MYCBP2: variants seen among roughly 807,000 people sequenced by gnomAD.
MYCBP2 encodes the protein E3 ubiquitin-protein ligase MYCBP2.
Under a neutral mutation model 525.3 loss-of-function variants are expected in MYCBP2, and 120 were observed. The ratio of observed to expected loss-of-function variants is 0.23; its 90% CI spans 0.20 to 0.27. The LOEUF (loss-of-function observed/expected upper bound fraction) is 0.27. MYCBP2 is among the 10% of genes least tolerant of loss of function. The probability of loss-of-function intolerance (pLI) is 1.00; values close to 1 mark genes in which losing one functional copy is unlikely to be tolerated. For synonymous variants in MYCBP2, 1,894 were observed against 1,955.8 expected, an observed-to-expected ratio of 0.97 and a Z score of 0.83; for missense variants, 4,149 against 5,657.1, an observed-to-expected ratio of 0.73 and a Z score of 8.55.
rs748291796 is a variant in MYCBP2 at position 77,263,639 on chromosome 13, T to C, written c.1570+12A>G. The C allele has an allele frequency of 7.5e-6, 12 of 1,602,312 alleles. 1 individual carries two copies. The South Asian group carries it at 1.2e-4, about 17-fold the overall frequency. On this transcript the variant is annotated intron_variant, in intron 10 of 82. Coordinates refer to ENST00000544440, the MANE Select transcript of MYCBP2 (RefSeq NM_015057.5). ...TTAAAATATAGGGAAAACACTTAAT[T>C]TGCTATCTTACTTATAATATGCAAG...
intron 17 of MYCBP2, among the ~76,000 whole-genome samples, chr13:77,235,732 C>T (rs895711818): frequency 6.6e-6 from 1 of 151,956 alleles, no homozygotes; most frequent in Non-Finnish European, 1.5e-5. Context: ...TTACACACAA[C>T]TAAACAAGAA....
At chr13:77,156,510 A>C (rs2057232319) in intron 45 of MYCBP2, among the ~76,000 whole-genome samples, 1 of 152,232 alleles carries the variant, frequency 6.6e-6, no homozygotes, top group African/African-American at 2.4e-5. Context: ...ACACGAATGT[A>C]GGTTGTGCAT....
chr13:77,305,043 C>G (rs892498875), intron 1 of MYCBP2, among the ~76,000 whole-genome samples: 1 of 152,038 alleles, frequency 6.6e-6, no homozygotes, highest in Non-Finnish European at 1.5e-5. Context: ...ACTCTAGACT[C>G]GGATGGCTTT....
intron 55 of MYCBP2, among the ~76,000 whole-genome samples, chr13:77,103,693 T>C (rs975735279): frequency 6.6e-6 from 1 of 152,022 alleles, no homozygotes; most frequent in African/African-American, 2.4e-5. Flanking sequence ...AAAGAAATGT[T>C]ACTTATATTA....
At chr13:77,276,667 T>G (rs2329028) in intron 4 of MYCBP2, among the ~76,000 whole-genome samples, 108,520 of 149,170 alleles carry the variant, frequency 0.73, 40,616 homozygotes, top group Middle Eastern at 0.84. Context: ...TTTTTGGGGG[T>G]TTTTTTTTTG....
chr13:77,062,393 C>T (rs2039451006), intron 74 of MYCBP2, among the ~76,000 whole-genome samples: 1 of 152,100 alleles, frequency 6.6e-6, no homozygotes, highest in African/African-American at 2.4e-5. Flanking sequence ...TAAATAAAAG[C>T]CCCTAAAGTT....
At chr13:77,176,725 T>C in intron 35 of MYCBP2, 97 bp from the exon 36 acceptor site, 1 of 1,028,756 alleles carries the variant, frequency 9.7e-7, no homozygotes. Context: ...AAATTTATTT[T>C]CTTGAATATA....
intron 3 of MYCBP2, among the ~76,000 whole-genome samples, chr13:77,283,329 TCCACTATA>T (rs1410459561): frequency 2.6e-5 from 4 of 152,206 alleles, no homozygotes; most frequent in African/African-American, 9.6e-5. Context: ...TCTAACGTGT[TCCACTATA>T]TCTAGCACTC....
chr13:77,219,246 A>C (rs1333230336), intron 20 of MYCBP2, among the ~76,000 whole-genome samples: 1 of 152,148 alleles, frequency 6.6e-6, no homozygotes, highest in Non-Finnish European at 1.5e-5. Context: ...GTAGGTTTCA[A>C]GCGTGGAAAA....
At chr13:77,064,585 TAAAAC>T in intron 73 of MYCBP2, 25 bp downstream of exon 73, 2 of 1,566,794 alleles carry the variant, frequency 1.3e-6, no homozygotes, top group East Asian at 2.4e-5. Context: ...ACACCAAATT[TAAAAC>T]AAAACAAAAC....
chr13:77,326,901 G>A lies in MYCBP2; in HGVS notation c.-126C>T. 1.1e-6 allele frequency: 1 copy of A among 909,990 alleles called. No individual in the cohort carries two copies. Among genetic ancestry groups the A allele is most frequent in the African/African-American group, 1.8e-5 (1 of 56,972 alleles). 56.4% of individuals were successfully genotyped at this position (909,990 alleles called of 1,614,324 possible). On this transcript the variant is annotated 5_prime_UTR_variant, in exon 1 of 83. Transcript: ENST00000544440. The surrounding 1 kb of genome is among the most constrained non-coding windows in gnomAD (Gnocchi z 4.2). ...GGCGGCCTCTGGCTCCCGCAGCAGGGAGACTACAAAGACAGCGACCTCCTT... is the reference window on the plus strand; with the variant it reads ...GGCGGCCTCTGGCTCCCGCAGCAGGAAGACTACAAAGACAGCGACCTCCTT...
intron 35 of MYCBP2, among the ~76,000 whole-genome samples, chr13:77,176,949 T>G (rs1055492171): frequency 2.0e-5 from 3 of 152,112 alleles, no homozygotes; most frequent in Non-Finnish European, 4.4e-5. Context: ...GAGATAGAGA[T>G]AGACTTGCTA....
chr13:77,136,506 C>A (rs955132519), intron 52 of MYCBP2, among the ~76,000 whole-genome samples: 2 of 152,164 alleles, frequency 1.3e-5, no homozygotes, highest in African/African-American at 4.8e-5. Flanking sequence ...TCTGTCACAG[C>A]AGCTCAGCAA....
intron 21 of MYCBP2, 64 bp downstream of exon 21, chr13:77,217,776 A>G (rs888096256): frequency 1.0e-6 from 1 of 972,764 alleles, no homozygotes; most frequent in African/African-American, 1.7e-5. Flanking sequence ...AAAAAGAGCT[A>G]ATATAGACAA....
At position 77,217,975 on chromosome 13, in the gene MYCBP2, A is replaced by G; in HGVS notation, c.2940-18T>C. On this transcript the variant is annotated intron_variant, in intron 20 of 82. Transcript: ENST00000544440. ...GACATCCCCTAGGTTAAAAAAAAAA[A>G]AAGTAAGTCAATTTCTTACAAAACT... The G allele has an allele frequency of 6.6e-7, 1 of 1,509,056 alleles. No individual in the cohort carries two copies. The highest frequency in any genetic ancestry group is 9.0e-7 in the Non-Finnish European group (1 of 1,108,274). The allele number at this position is 1,509,056 out of a possible 1,614,324, so 93.5% of individuals were successfully genotyped here. A position where few individuals can be genotyped will look rare whatever the true frequency, so the allele number is the denominator to read the frequency against.
In MYCBP2 at chr13:77,093,193, C is replaced by T; in HGVS notation, c.10339G>A (p.Glu3447Lys). The T allele has an allele frequency of 6.2e-7, 1 of 1,612,434 alleles. No individual in the cohort carries two copies. The highest frequency in any genetic ancestry group is 8.5e-7 in the Non-Finnish European group (1 of 1,179,172). The change falls in exon 59 of 83, where the codon GAG becomes AAG. Residue 3447 changes from glutamate to lysine, a missense_variant. Physicochemically the swap from Glu to Lys is moderately conservative, Grantham distance 56 (BLOSUM62 1). This residue lies in a region of MYCBP2 where 509 missense variants were observed against 789.4 expected (regional missense o/e 0.64). Transcript: ENST00000544440. ...DASPNVFEEPESNMKSMPPSL... is the reference protein window; with the variant it reads ...DASPNVFEEPKSNMKSMPPSL... The stretch of plus-strand genomic sequence containing the variant: ...GGTGGCATAGACTTCATATTGCTCT[C>T]TGGCTCTTCAAATACATTAGGACTT...
chr13:77,115,021 A>G (rs753305484), intron 55 of MYCBP2, among the ~76,000 whole-genome samples: 2 of 151,976 alleles, frequency 1.3e-5, no homozygotes, highest in Admixed American at 6.6e-5. Flanking sequence ...TTGTCACAGT[A>G]TAGTTGGCTT....
chr13:77,183,179 T>G (rs2060374753), intron 32 of MYCBP2, among the ~76,000 whole-genome samples: 1 of 152,210 alleles, frequency 6.6e-6, no homozygotes, highest in Non-Finnish European at 1.5e-5. Flanking sequence ...TGTTTCTGAG[T>G]GATATTCATC....
chr13:77,140,178 G>C lies in MYCBP2; in HGVS notation c.7402-15C>G. 1 of 1,511,294 alleles carries C rather than the reference G, an allele frequency of 6.6e-7. No individual in the cohort carries two copies. Among genetic ancestry groups the C allele is most frequent in the Non-Finnish European group, 9.1e-7 (1 of 1,101,738 alleles). 93.6% of individuals were successfully genotyped at this position (1,511,294 alleles called of 1,614,324 possible). On this transcript the variant is annotated splice_polypyrimidine_tract_variant and intron_variant, in intron 50 of 82. Coordinates refer to ENST00000544440, the MANE Select transcript of MYCBP2 (RefSeq NM_015057.5). The stretch of plus-strand genomic sequence containing the variant: ...AATTTTCGAACCTGAGAAAGGCAAA[G>C]ATAAACAGTGAGGTAGGAAGAACAT...
Sources: gnomAD v4.1 joint callset for allele counts (sites outside exome capture counted in the v4.1 genomes callset) on GRCh38, gnomAD v4.1.1 for gene constraint, gnomAD v4.1.1 regional missense constraint, Gnocchi (gnomAD v3.1) non-coding constraint, MANE v1.5 for transcripts, NCBI Gene and HGNC (gene_info 2026-07-23, HGNC 2026-07-21) for gene names.